Variants in LTF observed in about 807,000 individuals in gnomAD.
LTF encodes lactotransferrin.
A neutral mutation model predicts 87.2 loss-of-function variants in LTF; 91 were observed. That is an observed-to-expected ratio of 1.04 (90% CI 0.88 to 1.24). LTF has a LOEUF of 1.24. Ranked by LOEUF, LTF falls within the 50% of genes most tolerant of loss-of-function variation. The pLI is 0.00. For missense variants in LTF, 901 were observed against 904.3 expected (o/e 1.00, Z 0.05); for synonymous variants, 378 against 356.1 (o/e 1.06, Z -0.69).
chr3:46,472,601 G>A (rs1233267127), intron 1 of LTF, among the ~76,000 whole-genome samples: 2 of 145,850 alleles, frequency 1.4e-5, no homozygotes, highest in Non-Finnish European at 3.0e-5. Context: ...GCACAGTATA[G>A]CTCACAGCAG....
chr3:46,437,742 T>C (rs1042525166), intron 16 of LTF, among the ~76,000 whole-genome samples, 198 bp downstream of exon 16: 3 of 152,246 alleles, frequency 2.0e-5, no homozygotes, highest in Non-Finnish European at 4.4e-5. Context: ...ATAAAATTTA[T>C]AAAAATTTAT....
intron 1 of LTF, among the ~76,000 whole-genome samples, chr3:46,481,898 T>C (rs1411827227): frequency 6.6e-6 from 1 of 152,068 alleles, no homozygotes; most frequent in African/African-American, 2.4e-5. Flanking sequence ...TCTCTGAAAA[T>C]AGAGTTCCAA....
intron 6 of LTF, among the ~76,000 whole-genome samples, chr3:46,451,604 G>C (rs1187710546): frequency 2.0e-5 from 3 of 151,820 alleles, no homozygotes; most frequent in African/African-American, 7.3e-5. Context: ...AAGTTTTTTT[G>C]TTTGTTTTGA....
chr3:46,443,785 A>G (rs1393705657), intron 12 of LTF, among the ~76,000 whole-genome samples: 1 of 152,226 alleles, frequency 6.6e-6, no homozygotes, highest in Non-Finnish European at 1.5e-5. Flanking sequence ...CTGTAGGCAC[A>G]GATGGACACC....
chr3:46,473,313 A>G (rs1360513504), intron 1 of LTF, among the ~76,000 whole-genome samples: 1 of 151,700 alleles, frequency 6.6e-6, no homozygotes, highest in African/African-American at 2.4e-5. Flanking sequence ...ACTTTATTCT[A>G]CTCTACTCTG....
At chr3:46,478,159 G>A (rs1703385528) in intron 1 of LTF, among the ~76,000 whole-genome samples, 1 of 152,074 alleles carries the variant, frequency 6.6e-6, no homozygotes, top group African/African-American at 2.4e-5. Flanking sequence ...TCTCTCTCCA[G>A]TTCTCTGTCT....
intron 16 of LTF, 119 bp from the exon 17 acceptor site, chr3:46,436,348 G>T: frequency 1.1e-6 from 1 of 888,730 alleles, no homozygotes; most frequent in Non-Finnish European, 1.9e-6. Flanking sequence ...CCATCACTGA[G>T]TCAGTGCTTG....
chr3:46,462,217 A>G (rs973208240), intron 1 of LTF, among the ~76,000 whole-genome samples: 5 of 152,240 alleles, frequency 3.3e-5, no homozygotes, highest in Non-Finnish European at 7.3e-5. Flanking sequence ...GGAATGTGTA[A>G]GCGGACAGGA....
Position 46,441,899 on chromosome 3 carries a change from C to CAGAG in LTF, c.1656-420_1656-417dup, listed in dbSNP as rs71622508. On this transcript the variant is annotated intron_variant, in intron 13 of 16. Coordinates refer to ENST00000231751, the MANE Select transcript of LTF (RefSeq NM_002343.6). ...TAAATGATGAAACTGTGATAGCACCCAGAGAGAGAGAGAGAGAGAGAGAGA... is the reference window on the plus strand; with the variant it reads ...TAAATGATGAAACTGTGATAGCACCCAGAGAGAGAGAGAGAGAGAGAGAGAGAGA... The CAGAG allele has an allele frequency of 7.0e-3, 715 of 101,480 alleles. 12 individuals carry two copies. The highest frequency in any genetic ancestry group is 0.01 in the Non-Finnish European group (520 of 51,122). 6.3% of individuals were successfully genotyped at this position (101,480 alleles called of 1,614,324 possible).
At chr3:46,473,582 T>C (rs962318635) in intron 1 of LTF, among the ~76,000 whole-genome samples, 2 of 152,258 alleles carry the variant, frequency 1.3e-5, no homozygotes, top group Admixed American at 6.5e-5. Context: ...GTTTTCCCTC[T>C]GGAGGCTCCA....
At chr3:46,441,314 G>T in intron 14 of LTF, 102 bp downstream of exon 14, 2 of 848,920 alleles carry the variant, frequency 2.4e-6, no homozygotes, top group Non-Finnish European at 3.7e-6. Context: ...CACAAATATG[G>T]AAAATGTTAT....
chr3:46,446,432 C>T lies in LTF; in HGVS notation c.1357+8G>A. On this transcript the variant is annotated splice_region_variant and intron_variant, in intron 11 of 16. Coordinates refer to ENST00000231751, the MANE Select transcript of LTF (RefSeq NM_002343.6). ...CCTTGACCCTGAAAGTGGCTAATGC[C>T]AACTCACCTTCCACAGGTCTATCCA... The T allele has an allele frequency of 1.2e-6, 2 of 1,611,692 alleles. No homozygotes were observed. Among genetic ancestry groups the T allele is most frequent in the Non-Finnish European group, 8.5e-7 (1 of 1,178,592 alleles).
chr3:46,442,268 C>T (rs951438952), intron 13 of LTF, among the ~76,000 whole-genome samples: 1 of 152,010 alleles, frequency 6.6e-6, no homozygotes, highest in Non-Finnish European at 1.5e-5. Context: ...GCTAGATCTT[C>T]TTCTATACTA....
chr3:46,445,186 C>A (rs1702618350), intron 12 of LTF, 95 bp downstream of exon 12: 1 of 1,306,334 alleles, frequency 7.7e-7, no homozygotes, highest in African/African-American at 1.5e-5. Flanking sequence ...CACTATCAGC[C>A]TGCAAATCCC....
chr3:46,445,849 G>A (rs1322886287), intron 11 of LTF, among the ~76,000 whole-genome samples: 1 of 152,228 alleles, frequency 6.6e-6, no homozygotes, highest in Admixed American at 6.5e-5. Context: ...CCAGCTAACG[G>A]CTGTGTGGGT....
chr3:46,456,017 G>C, intron 3 of LTF, 39 bp from the exon 4 acceptor site: 1 of 1,500,240 alleles, frequency 6.7e-7, no homozygotes, highest in Non-Finnish European at 8.9e-7. Context: ...TCTTAGCCTG[G>C]ACAAGAGGGA....
chr3:46,446,916 G>A (rs1369258629), intron 10 of LTF, among the ~76,000 whole-genome samples: 1 of 152,192 alleles, frequency 6.6e-6, no homozygotes, highest in Non-Finnish European at 1.5e-5. Context: ...CCAGGAGAGA[G>A]GCTTCCCTTG....
chr3:46,481,340 T>G (rs776409401), intron 1 of LTF, among the ~76,000 whole-genome samples: 38 of 152,204 alleles, frequency 2.5e-4, no homozygotes, highest in Non-Finnish European at 5.9e-5. Context: ...GAGGACAAAG[T>G]ACAAATGAAC....
chr3:46,441,699 A>G, intron 13 of LTF: 1 of 490,694 alleles, frequency 2.0e-6, no homozygotes, highest in Non-Finnish European at 3.6e-6. Context: ...AAAACCAAGA[A>G]ATCTAAAGAT....
Sources: gnomAD v4.1 joint callset for allele counts (sites outside exome capture counted in the v4.1 genomes callset) on GRCh38, gnomAD v4.1.1 for gene constraint, MANE v1.5 for transcripts, NCBI Gene and HGNC (gene_info 2026-07-23, HGNC 2026-07-21) for gene names.